TREML2: variants seen among roughly 807,000 people sequenced by gnomAD.
TREML2 encodes the protein triggering receptor expressed on myeloid cells like 2.
In TREML2, 24 loss-of-function variants were observed where a neutral mutation model predicts 25.9. The observed-to-expected ratio is 0.93, with a 90% CI of 0.67 to 1.30. The LOEUF (loss-of-function observed/expected upper bound fraction) is 1.30. Among genes scored for constraint, TREML2 ranks in the 50% most tolerant of loss-of-function variants. The pLI is 0.00. For synonymous variants in TREML2, 139 were observed against 155.2 expected, an observed-to-expected ratio of 0.90 and a Z score of 0.77; for missense variants, 359 against 395.6, an observed-to-expected ratio of 0.91 and a Z score of 0.78.
At chr6:41,199,714 C>A (rs1766241816) in intron 1 of TREML2, among the ~76,000 whole-genome samples, 1 of 152,184 alleles carries the variant, frequency 6.6e-6, no homozygotes, top group Non-Finnish European at 1.5e-5. Flanking sequence ...TCCAAAAAAA[C>A]CACATATAAA....
In TREML2 at chr6:41,192,373, C is replaced by A; in HGVS notation, c.*54G>T. 1 of 1,456,024 alleles carries A rather than the reference C, an allele frequency of 6.9e-7. No homozygotes were observed. The highest frequency in any genetic ancestry group is 9.6e-7 in the Non-Finnish European group (1 of 1,041,172). The allele number at this position is 1,456,024 out of a possible 1,614,324, so 90.2% of individuals were successfully genotyped here. A position where few individuals can be genotyped will look rare whatever the true frequency, so the allele number is the denominator to read the frequency against. On this transcript the variant is annotated 3_prime_UTR_variant, in exon 5 of 5. Transcript: ENST00000483722. Reference sequence around the variant, plus strand: ...ACTGGCCCCAATCTTCACCCCTCCTCTAACCCCCTGGGGCCACTCTGGGAG... The same window carrying A: ...ACTGGCCCCAATCTTCACCCCTCCTATAACCCCCTGGGGCCACTCTGGGAG...
Position 41,192,407 on chromosome 6 carries a change from C to T in TREML2, c.*20G>A, listed in dbSNP as rs1272800397. 1.2e-6 allele frequency: 2 copies of T among 1,608,280 alleles called. No homozygotes were observed. Among genetic ancestry groups the T allele is most frequent in the Non-Finnish European group, 8.5e-7 (1 of 1,175,388 alleles). ...TGGGGCCACTCTGGGAGAAGCTCCC[C>T]ACCCCATGCTTAAGTGGCCTCAGAT... is the stretch of plus-strand genomic sequence containing the variant. On this transcript the variant is annotated 3_prime_UTR_variant, in exon 5 of 5. Coordinates refer to ENST00000483722, the MANE Select transcript of TREML2 (RefSeq NM_024807.4).
rs756566346 is a variant in TREML2, at chr6:41,194,701, G to T, written c.509C>A (p.Pro170Gln). ...GAGCCTAGGCAAGGTGATGAGTCCT[G>T]GGGTGAACACCATCACACCAGTGGT... ...PFTTGVMVFT[P>Q]GLITLPRLLA... Residue 170 changes from proline to glutamine, a missense_variant, in exon 3 of 5, where the codon CCA (proline) becomes CAA (glutamine). By Grantham distance (76) the Pro-to-Gln change is moderately conservative. Transcript: ENST00000483722. 3.7e-6 allele frequency: 6 copies of T among 1,614,004 alleles called. No individual in the cohort carries two copies. Among genetic ancestry groups the T allele is most frequent in the Non-Finnish European group, 5.1e-6 (6 of 1,180,002 alleles).
In TREML2 at chr6:41,191,794, C is replaced by G. The variant is rs3800342; in HGVS notation, c.*633G>C. ...CAGCAGTGAGAGCGTGGGCTCTGCG[C>G]GGTCCCAGGACAGGAGGGAGGAGCA... On this transcript the variant is annotated 3_prime_UTR_variant, in exon 5 of 5. Coordinates refer to ENST00000483722, the MANE Select transcript of TREML2 (RefSeq NM_024807.4). 0.34 allele frequency: 52,220 copies of G among 153,340 alleles called. 8,940 individuals carry two copies. The highest frequency in any genetic ancestry group is 0.41 in the South Asian group (1,984 of 4,848). 9.5% of individuals were successfully genotyped at this position (153,340 alleles called of 1,614,324 possible).
At position 41,192,839 on chromosome 6, in the gene TREML2, A is replaced by T; in HGVS notation, c.848T>A (p.Ile283Asn). 6.2e-7 allele frequency: 1 copy of T among 1,611,404 alleles called. No homozygotes were observed. The highest frequency in any genetic ancestry group is 8.5e-7 in the Non-Finnish European group (1 of 1,178,486). ...VVLTLLVLML[I>N]MVYGFWKKRH... Reference sequence around the variant, plus strand: ...CTTCTTCCAAAACCCATAGACCATGATCAGCATCAGCACCAGGAGGGTCAG... The same window carrying T: ...CTTCTTCCAAAACCCATAGACCATGTTCAGCATCAGCACCAGGAGGGTCAG... Residue 283 changes from isoleucine to asparagine, a missense_variant, in exon 4 of 5, where the codon ATC becomes AAC. Physicochemically the swap from Ile to Asn is moderately radical, Grantham distance 149. Transcript: ENST00000483722.
At chr6:41,193,362 T>C (rs903445763) in intron 3 of TREML2, among the ~76,000 whole-genome samples, 13 of 152,240 alleles carry the variant, frequency 8.5e-5, no homozygotes, top group African/African-American at 3.1e-4. Context: ...GCTGAGGCCT[T>C]TCTCTTGTCA....
rs1292988554 is a variant in TREML2 at position 41,192,380 on chromosome 6, C to G, written c.*47G>C. The G allele has an allele frequency of 2.6e-6, 4 of 1,513,776 alleles. No individual in the cohort carries two copies. Among genetic ancestry groups the G allele is most frequent in the East Asian group, 2.3e-5 (1 of 44,330 alleles). 93.8% of individuals were successfully genotyped at this position (1,513,776 alleles called of 1,614,324 possible). A position where few individuals can be genotyped will look rare whatever the true frequency, so the allele number is the denominator to read the frequency against. ...CCAATCTTCACCCCTCCTCTAACCCCCTGGGGCCACTCTGGGAGAAGCTCC... is the reference window on the plus strand; with the variant it reads ...CCAATCTTCACCCCTCCTCTAACCCGCTGGGGCCACTCTGGGAGAAGCTCC... On this transcript the variant is annotated 3_prime_UTR_variant, in exon 5 of 5. Transcript: ENST00000483722.
chr6:41,194,867 C>T (rs574402521), intron 2 of TREML2, 34 bp from the exon 3 acceptor site: 5 of 1,535,428 alleles, frequency 3.3e-6, no homozygotes, highest in South Asian at 1.3e-5. Context: ...GTTAGATTGA[C>T]TTGGGTGCCT....
chr6:41,197,133 C>T (rs996454453), intron 2 of TREML2, among the ~76,000 whole-genome samples: 2 of 152,204 alleles, frequency 1.3e-5, no homozygotes, highest in African/African-American at 4.8e-5. Context: ...AGCCCATTCA[C>T]ATCTCTCTGC....
In TREML2 at chr6:41,190,570, A is replaced by T. The variant is rs909440147; in HGVS notation, c.*1857T>A. Reference sequence around the variant, plus strand: ...TATTGTCCTCTTTCACAAGACAGGAAAAATGAGGCCAAGGGTTAGTGACTT... The same window carrying T: ...TATTGTCCTCTTTCACAAGACAGGATAAATGAGGCCAAGGGTTAGTGACTT... On this transcript the variant is annotated 3_prime_UTR_variant, in exon 5 of 5. Transcript: ENST00000483722. 1.3e-5 allele frequency: 2 copies of T among 152,242 alleles called. No individual in the cohort carries two copies. The highest frequency in any genetic ancestry group is 4.8e-5 in the African/African-American group (2 of 41,462). The allele number at this position is 152,242 out of a possible 1,614,324, so 9.4% of individuals were successfully genotyped here.
rs9471500 is a variant in TREML2 at position 41,197,931 on chromosome 6, T to C, written c.376+178A>G. Among the ~76,000 whole-genome samples, 10,336 of 152,256 alleles carry C rather than the reference T, an allele frequency of 0.068. 1,050 individuals are homozygous for C. The highest frequency in any genetic ancestry group is 0.23 in the African/African-American group (9,577 of 41,484). On this transcript the variant is annotated intron_variant, in intron 2 of 4. Coordinates refer to ENST00000483722, the MANE Select transcript of TREML2 (RefSeq NM_024807.4). ...CACACTGGGTTTTCAGGTCTCATTA[T>C]CTTCATCTGTAAAATGGTGACAATA...
At chr6:41,195,339 G>A (rs1766143210) in intron 2 of TREML2, among the ~76,000 whole-genome samples, 1 of 152,138 alleles carries the variant, frequency 6.6e-6, no homozygotes, top group Non-Finnish European at 1.5e-5. Context: ...AACTGGTCCT[G>A]CTACACTCAC....
At position 41,192,449 on chromosome 6, in the gene TREML2, T is replaced by C. The variant is rs145034109; in HGVS notation, c.944A>G (p.Tyr315Cys). The C allele has an allele frequency of 7.7e-5, 124 of 1,613,972 alleles. No individual in the cohort carries two copies. The African/African-American group carries it at 1.4e-3, about 18-fold the overall frequency. ...GCCTCAGATCAAGTAGACTTCCACA[T>C]AGGGCTCTGGTCTTCCAGGTGGGTC... is the stretch of plus-strand genomic sequence containing the variant. ...TRDPPGRPEP[Y>C]VEVYLI The change falls in exon 5 of 5, where the codon TAT (tyrosine) becomes TGT (cysteine). Residue 315 changes from tyrosine to cysteine, a missense_variant. Transcript: ENST00000483722.
At position 41,189,985 on chromosome 6, in the gene TREML2, A is replaced by G. The variant is rs1379682137; in HGVS notation, c.*2442T>C. Among the ~76,000 whole-genome samples, 2 of 151,882 alleles carry G rather than the reference A, an allele frequency of 1.3e-5. No homozygotes were observed. The highest frequency in any genetic ancestry group is 2.9e-5 in the Non-Finnish European group (2 of 67,950). ...TACTCCATATTGCTTTGTTCCCCTT[A>G]CTGCACATGTCAGGGGATGAAATTT... On this transcript the variant is annotated 3_prime_UTR_variant, in exon 5 of 5. Transcript: ENST00000483722.
At chr6:41,200,181 A>C (rs1386955961) in intron 1 of TREML2, among the ~76,000 whole-genome samples, 1 of 152,226 alleles carries the variant, frequency 6.6e-6, no homozygotes, top group African/African-American at 2.4e-5. Flanking sequence ...TCCCTTGCAA[A>C]CTAAACAGAA....
In TREML2 at chr6:41,192,410, C is replaced by G. The variant is rs771803614; in HGVS notation, c.*17G>C. 27 of 1,610,954 alleles carry G rather than the reference C, an allele frequency of 1.7e-5. No individual in the cohort carries two copies. Among genetic ancestry groups the G allele is most frequent in the Non-Finnish European group, 2.2e-5 (26 of 1,177,628 alleles). On this transcript the variant is annotated 3_prime_UTR_variant, in exon 5 of 5. Transcript: ENST00000483722. ...GGCCACTCTGGGAGAAGCTCCCCAC[C>G]CCATGCTTAAGTGGCCTCAGATCAA...
In TREML2 at chr6:41,198,403, TTG is replaced by T. The variant is rs1561890775; in HGVS notation, c.80_81del (p.Thr27LysfsTer6). ...GTCTCCCCTTCAAGGAGCCTCACTT[TTG>T]TGTATACACTGTCAGCAGAGGGGCC... ...VSGPSADSVY[T>X]KVRLLEGETL... On this transcript the variant is annotated frameshift_variant, in exon 2 of 5. Coordinates refer to ENST00000483722, the MANE Select transcript of TREML2 (RefSeq NM_024807.4). LOFTEE classifies it high-confidence loss of function. 6.2e-7 allele frequency: 1 copy of T among 1,613,850 alleles called. No individual in the cohort carries two copies. Among genetic ancestry groups the T allele is most frequent in the East Asian group, 2.2e-5 (1 of 44,880 alleles).
In TREML2 at chr6:41,198,300, T is replaced by A. The variant is rs1766210116; in HGVS notation, c.185A>T (p.Lys62Met). 1 of 1,612,652 alleles carries A rather than the reference T, an allele frequency of 6.2e-7. No individual in the cohort carries two copies. The highest frequency in any genetic ancestry group is 8.5e-7 in the Non-Finnish European group (1 of 1,179,722). Residue 62 changes from lysine to methionine, a missense_variant, in exon 2 of 5, where the codon AAG becomes ATG. By Grantham distance (95) the Lys-to-Met change is moderately conservative. Coordinates refer to ENST00000483722, the MANE Select transcript of TREML2 (RefSeq NM_024807.4). ...GKVWCKIRKKKCEPGFARVWV... is the reference protein window; with the variant it reads ...GKVWCKIRKKMCEPGFARVWV... ...GACTCGGGCAAAGCCAGGCTCACACTTCTTCTTCCTGATTTTGCACCAAAC... is the reference window on the plus strand; with the variant it reads ...GACTCGGGCAAAGCCAGGCTCACACATCTTCTTCCTGATTTTGCACCAAAC...
In TREML2 at chr6:41,192,523, G is replaced by T; in HGVS notation, c.887-17C>A. The T allele has an allele frequency of 1.2e-6, 2 of 1,612,694 alleles. No individual in the cohort carries two copies. The highest frequency in any genetic ancestry group is 1.1e-5 in the South Asian group (1 of 90,872). ...TGCTGTAGCCTGCAAGAAACAGGGA[G>T]AGCTGAGGAAGTGTCCTGCCCTGCC... On this transcript the variant is annotated splice_polypyrimidine_tract_variant and intron_variant, in intron 4 of 4. Coordinates refer to ENST00000483722, the MANE Select transcript of TREML2 (RefSeq NM_024807.4).
Sources: allele counts gnomAD v4.1 joint callset (sites outside exome capture counted in the v4.1 genomes callset), GRCh38; gene constraint gnomAD v4.1.1; transcripts MANE v1.5; gene names NCBI Gene and HGNC (gene_info 2026-07-23, HGNC 2026-07-21).